The following IMMP2L variants were observed in gnomAD, a reference collection of about 807,000 sequenced individuals.
IMMP2L encodes the protein inner mitochondrial membrane peptidase subunit 2.
IMMP2L carries 18 observed loss-of-function variants against 19.3 expected under a neutral mutation model. The observed-to-expected ratio is 0.93, with a 90% CI of 0.64 to 1.38. IMMP2L has a LOEUF of 1.38. IMMP2L is among the 40% of genes most tolerant of loss of function. IMMP2L has a pLI of 0.00. For missense variants in IMMP2L, 233 were observed against 218.2 expected (o/e 1.07, Z -0.43); for synonymous variants, 76 against 73.0 (o/e 1.04, Z -0.21).
chr7:111,172,062 C>A (rs1038110187), intron 3 of IMMP2L, among the ~76,000 whole-genome samples: 2 of 151,258 alleles, frequency 1.3e-5, no homozygotes, highest in Non-Finnish European at 3.0e-5. Context: ...GTAGTATATG[C>A]CCAGAAGAAT....
At chr7:110,717,121 A>G (rs572894275) in intron 5 of IMMP2L, among the ~76,000 whole-genome samples, 101 of 152,314 alleles carry the variant, frequency 6.6e-4, no homozygotes, top group Non-Finnish European at 1.1e-3. Context: ...ACTGTCTGGC[A>G]TCAACTAAGG....
intron 3 of IMMP2L, among the ~76,000 whole-genome samples, chr7:111,079,603 T>C (rs1415780739): frequency 6.6e-6 from 1 of 152,194 alleles, no homozygotes. Flanking sequence ...CATGTGTGCT[T>C]GCATATGCAT....
intron 5 of IMMP2L, among the ~76,000 whole-genome samples, chr7:110,831,358 T>C (rs1803955732): frequency 1.3e-5 from 2 of 152,148 alleles, no homozygotes; most frequent in Admixed American, 6.6e-5. Flanking sequence ...AGGTTCCTTA[T>C]CTAATTTAAG....
chr7:110,964,158 G>C (rs569690638), intron 3 of IMMP2L, among the ~76,000 whole-genome samples: 1 of 152,158 alleles, frequency 6.6e-6, no homozygotes, highest in African/African-American at 2.4e-5. Context: ...TCACAGCCAT[G>C]TGGAACTGAG....
intron 3 of IMMP2L, among the ~76,000 whole-genome samples, chr7:111,326,221 T>C (rs1214780075): frequency 1.3e-5 from 2 of 151,786 alleles, no homozygotes; most frequent in Non-Finnish European, 2.9e-5. Flanking sequence ...AATACCTCAA[T>C]TGAGATATAA....
chr7:111,480,970 G>A (rs999618368), intron 3 of IMMP2L, among the ~76,000 whole-genome samples: 1 of 152,028 alleles, frequency 6.6e-6, no homozygotes, highest in African/African-American at 2.4e-5. Context: ...AGCATCTTTC[G>A]TTTTTCTTTT....
intron 3 of IMMP2L, among the ~76,000 whole-genome samples, chr7:111,009,397 T>C (rs1217820351): frequency 6.6e-6 from 1 of 152,092 alleles, no homozygotes. Flanking sequence ...TTATTTTAGC[T>C]TTGATCTTAA....
chr7:111,522,964 A>G (rs965213649), intron 1 of IMMP2L, among the ~76,000 whole-genome samples: 2 of 129,026 alleles, frequency 1.6e-5, no homozygotes, highest in Non-Finnish European at 3.3e-5. Context: ...AAAGAATGAA[A>G]TCCTGCCATC....
intron 2 of IMMP2L, among the ~76,000 whole-genome samples, chr7:111,513,430 G>A (rs1845622211): frequency 2.0e-5 from 3 of 152,074 alleles, no homozygotes; most frequent in Admixed American, 1.3e-4. Flanking sequence ...TACCTGTTAG[G>A]AAGGCTATTA....
intron 3 of IMMP2L, among the ~76,000 whole-genome samples, chr7:111,143,575 T>C (rs921533661): frequency 5.3e-5 from 8 of 152,160 alleles, no homozygotes; most frequent in Non-Finnish European, 1.0e-4. Context: ...AGCAATCCAT[T>C]TTCCTTTGCT....
At position 110,729,014 on chromosome 7, in the gene IMMP2L, C is replaced by T. The variant is rs190836391; in HGVS notation, c.409-65293G>A. 5.5e-3 allele frequency among the ~76,000 whole-genome samples: 835 copies of T among 152,090 alleles called. 4 individuals carry two copies. The highest frequency in any genetic ancestry group is 0.019 in the African/African-American group (790 of 41,542). On this transcript the variant is annotated intron_variant, in intron 5 of 5. Transcript: ENST00000405709. ...CAAGAGATTCTCCAGCCTCAGCCCCCTGAGTGATTACAGGCACATGCCACT... is the reference window on the plus strand; with the variant it reads ...CAAGAGATTCTCCAGCCTCAGCCCCTTGAGTGATTACAGGCACATGCCACT...
intron 3 of IMMP2L, among the ~76,000 whole-genome samples, chr7:111,036,642 G>C (rs887285384): frequency 6.6e-6 from 1 of 152,046 alleles, no homozygotes; most frequent in Non-Finnish European, 1.5e-5. Flanking sequence ...AGCCATCAGT[G>C]CTTCTAGAAG....
At chr7:111,151,703 C>A (rs1218612984) in intron 3 of IMMP2L, among the ~76,000 whole-genome samples, 3 of 152,102 alleles carry the variant, frequency 2.0e-5, no homozygotes, top group Admixed American at 2.0e-4. Flanking sequence ...TGTTAGGAGG[C>A]CGAGGTGGGC....
At chr7:111,312,310 A>G (rs2130308017) in intron 3 of IMMP2L, among the ~76,000 whole-genome samples, 1 of 152,286 alleles carries the variant, frequency 6.6e-6, no homozygotes, top group African/African-American at 2.4e-5. Flanking sequence ...ATTCATTTCA[A>G]TTATCATGAT....
chr7:110,837,503 A>G (rs979143352), intron 5 of IMMP2L, among the ~76,000 whole-genome samples: 2 of 152,130 alleles, frequency 1.3e-5, no homozygotes, highest in Non-Finnish European at 2.9e-5. Context: ...GATGATTTTA[A>G]CACTTGCTAC....
At chr7:111,078,114 T>A (rs1795570064) in intron 3 of IMMP2L, among the ~76,000 whole-genome samples, 1 of 152,256 alleles carries the variant, frequency 6.6e-6, no homozygotes, top group Admixed American at 6.5e-5. Flanking sequence ...CGTTGCCTAT[T>A]TATCGTCTAC....
chr7:110,821,711 G>C (rs559419280), intron 5 of IMMP2L, among the ~76,000 whole-genome samples: 20 of 151,946 alleles, frequency 1.3e-4, no homozygotes, highest in Non-Finnish European at 2.2e-4. Context: ...AGGAGATCGA[G>C]AACATCCTGG....
chr7:110,914,676 C>G (rs1466952790), intron 4 of IMMP2L, among the ~76,000 whole-genome samples: 1 of 152,132 alleles, frequency 6.6e-6, no homozygotes, highest in East Asian at 1.9e-4. Flanking sequence ...TCATGTTGCT[C>G]TTTTCAAAGT....
At chr7:111,139,940 A>G (rs929273386) in intron 3 of IMMP2L, among the ~76,000 whole-genome samples, 1 of 152,126 alleles carries the variant, frequency 6.6e-6, no homozygotes, top group African/African-American at 2.4e-5. Flanking sequence ...TTTTAATTCT[A>G]CAGTTACCTC....
Sources: allele counts gnomAD v4.1 joint callset (sites outside exome capture counted in the v4.1 genomes callset), GRCh38; gene constraint gnomAD v4.1.1; transcripts MANE v1.5; gene names NCBI Gene and HGNC (gene_info 2026-07-23, HGNC 2026-07-21).